Variants in ANXA3 observed in about 807,000 individuals in gnomAD.
ANXA3 encodes 35-alpha calcimedin.
ANXA3 carries 46 observed loss-of-function variants against 48.8 expected under a neutral mutation model. The observed-to-expected ratio is 0.94, with a 90% CI of 0.74 to 1.21. The LOEUF is 1.21. Among genes scored for constraint, ANXA3 ranks in the 50% most tolerant of loss-of-function variants. The probability of loss-of-function intolerance (pLI) is 0.00; values close to 1 mark genes in which losing one functional copy is unlikely to be tolerated. For synonymous variants in ANXA3, 128 were observed against 134.7 expected (o/e 0.95, Z 0.35); for missense variants, 383 against 378.6 (o/e 1.01, Z -0.10).
intron 2 of ANXA3, among the ~76,000 whole-genome samples, chr4:78,567,088 T>C (rs1722747284): frequency 1.3e-5 from 2 of 152,188 alleles, no homozygotes; most frequent in African/African-American, 2.4e-5. Context: ...ATAGGCACAG[T>C]GATCATTGCC....
intron 2 of ANXA3, among the ~76,000 whole-genome samples, chr4:78,567,519 A>G (rs1722757459): frequency 6.6e-6 from 1 of 152,238 alleles, no homozygotes; most frequent in Admixed American, 6.5e-5. Flanking sequence ...TGGAGACACC[A>G]AGAGAATGAG....
At chr4:78,602,439 A>G (rs974631876) in intron 11 of ANXA3, 1 of 152,184 alleles carries the variant, frequency 6.6e-6, no homozygotes, top group African/African-American at 2.4e-5. Flanking sequence ...ACTGCTTCAC[A>G]GTAAGTGCAG....
At position 78,595,522 on chromosome 4, in the gene ANXA3, G is replaced by A; in HGVS notation, c.540+85G>A. 2.2e-6 allele frequency: 3 copies of A among 1,360,870 alleles called. No homozygotes were observed. In the South Asian group the frequency reaches 3.8e-5, roughly 17 times the overall value. 84.3% of individuals were successfully genotyped at this position (1,360,870 alleles called of 1,614,324 possible). A position where few individuals can be genotyped will look rare whatever the true frequency, so the allele number is the denominator to read the frequency against. On this transcript the variant is annotated intron_variant, in intron 8 of 12. Transcript: ENST00000264908. Reference sequence around the variant, plus strand: ...ATTTATGTGAAAAGGGAGAAAAATAGCAGCAACAGGGACTTTTCTTTTTTT... The same window carrying A: ...ATTTATGTGAAAAGGGAGAAAAATAACAGCAACAGGGACTTTTCTTTTTTT...
intron 5 of ANXA3, among the ~76,000 whole-genome samples, chr4:78,585,902 A>G (rs1354977736): frequency 2.0e-5 from 3 of 152,264 alleles, no homozygotes; most frequent in Non-Finnish European, 4.4e-5. Context: ...GAAATCATTC[A>G]AAAGTATTAT....
At chr4:78,576,159 C>G (rs1722948021) in intron 3 of ANXA3, among the ~76,000 whole-genome samples, 1 of 152,114 alleles carries the variant, frequency 6.6e-6, no homozygotes, top group African/African-American at 2.4e-5. Context: ...TTGCCCTCCT[C>G]TATGAATTTT....
chr4:78,586,937 G>T (rs1330722760), intron 6 of ANXA3, among the ~76,000 whole-genome samples: 2 of 152,220 alleles, frequency 1.3e-5, no homozygotes, highest in African/African-American at 4.8e-5. Flanking sequence ...GGTGTTTTCA[G>T]GCTACACGTG....
Position 78,582,290 on chromosome 4 carries a change from G to A in ANXA3, c.312G>A (p.Lys104=). The A allele has an allele frequency of 6.2e-7, 1 of 1,601,682 alleles. No homozygotes were observed. Among genetic ancestry groups the A allele is most frequent in the South Asian group, 1.1e-5 (1 of 90,678 alleles). The change falls in exon 5 of 13, where the codon AAG becomes AAA. Residue 104 remains lysine (K), a splice_region_variant and synonymous_variant. Coordinates refer to ENST00000264908, the MANE Select transcript of ANXA3 (RefSeq NM_005139.3). The stretch of plus-strand genomic sequence containing the variant: ...CAAAGCAGCTAAAGAAATCCATGAA[G>A]GTATGAGCCCCCCACAAGCCATTTC... ...FDAKQLKKSM[K]GAGTNEDALI...
intron 2 of ANXA3, chr4:78,571,101 T>A (rs1722833258): frequency 6.6e-6 from 1 of 152,194 alleles, no homozygotes; most frequent in Non-Finnish European, 1.5e-5. Context: ...AGCCTTGACC[T>A]TCTGCGCTCA....
intron 2 of ANXA3, among the ~76,000 whole-genome samples, chr4:78,556,790 C>G (rs1232338956): frequency 6.6e-6 from 1 of 152,114 alleles, no homozygotes; most frequent in African/African-American, 2.4e-5. Context: ...GCCCTCTGGC[C>G]CTCGCCCATG....
chr4:78,574,065 T>G (rs1292431495), intron 3 of ANXA3, among the ~76,000 whole-genome samples: 1 of 152,180 alleles, frequency 6.6e-6, no homozygotes, highest in African/African-American at 2.4e-5. Flanking sequence ...TAGTCCTATC[T>G]AACCACCACC....
chr4:78,598,308 T>C (rs1467605983), intron 10 of ANXA3, among the ~76,000 whole-genome samples: 3 of 151,910 alleles, frequency 2.0e-5, no homozygotes, highest in Admixed American at 2.0e-4. Flanking sequence ...TTTTTTTCTT[T>C]TGAGATGGAG....
intron 9 of ANXA3, 70 bp from the exon 10 acceptor site, chr4:78,597,248 TA>T (rs1306070559): frequency 2.9e-6 from 3 of 1,017,396 alleles, no homozygotes; most frequent in East Asian, 5.2e-5. Context: ...GCATATCAAA[TA>T]AAAAACTAGA....
At chr4:78,563,520 T>A (rs879506414) in intron 2 of ANXA3, among the ~76,000 whole-genome samples, 89 of 67,842 alleles carry the variant, frequency 1.3e-3, no homozygotes, top group Middle Eastern at 8.1e-3. Context: ...CTGAGGGAGC[T>A]TGGTCACGTC....
At chr4:78,583,151 C>A (rs1417120582) in intron 5 of ANXA3, among the ~76,000 whole-genome samples, 2 of 149,598 alleles carry the variant, frequency 1.3e-5, no homozygotes, top group East Asian at 4.0e-4. Context: ...TCAGCCTGGG[C>A]AACTTGGAGA....
intron 2 of ANXA3, among the ~76,000 whole-genome samples, chr4:78,571,662 A>G (rs1372505234): frequency 1.3e-5 from 2 of 152,266 alleles, no homozygotes; most frequent in Non-Finnish European, 2.9e-5. Flanking sequence ...AGGAAATATT[A>G]TTACTGTAAA....
intron 3 of ANXA3, among the ~76,000 whole-genome samples, chr4:78,578,292 A>AGAAAGCGAGAGT: frequency 1.1e-5 from 1 of 90,138 alleles, no homozygotes; most frequent in South Asian, 5.2e-4. Flanking sequence ...AAGGGGAGAG[A>AGAAAGCGAGAGT]GAGAGCGAGA....
At chr4:78,576,775 A>C (rs545254908) in intron 3 of ANXA3, among the ~76,000 whole-genome samples, 4 of 152,368 alleles carry the variant, frequency 2.6e-5, no homozygotes, top group Admixed American at 6.5e-5. Context: ...TTCTGAGTTC[A>C]GAATGAGGTA....
rs572362442 is a variant in ANXA3, at chr4:78,559,076, C to G, written c.15+4588C>G. ...TTTTTATTATGGTACTAGAATTTTT[C>G]TTTCTTTATTTCTTTATTTTTTTTT... On this transcript the variant is annotated intron_variant, in intron 2 of 12. Coordinates refer to ENST00000264908, the MANE Select transcript of ANXA3 (RefSeq NM_005139.3). Among the ~76,000 whole-genome samples the G allele has an allele frequency of 3.3e-5, 5 of 152,048 alleles. No individual in the cohort carries two copies. In the East Asian group the frequency reaches 9.7e-4, roughly 29 times the overall value.
intron 2 of ANXA3, among the ~76,000 whole-genome samples, chr4:78,568,256 T>C (rs2109929736): frequency 6.6e-6 from 1 of 152,390 alleles, no homozygotes; most frequent in South Asian, 2.1e-4. Flanking sequence ...AAAAATGCTT[T>C]TTACTGGAAA....
Sources: gnomAD v4.1 joint callset for allele counts (sites outside exome capture counted in the v4.1 genomes callset) on GRCh38, gnomAD v4.1.1 for gene constraint, MANE v1.5 for transcripts, NCBI Gene and HGNC (gene_info 2026-07-23, HGNC 2026-07-21) for gene names.